The following DYNLT2B variants were observed in gnomAD, a reference collection of about 807,000 sequenced individuals.
DYNLT2B encodes dynein light chain Tctex-type 2B.
Under a neutral mutation model 19.5 loss-of-function variants are expected in DYNLT2B, and 14 were observed. The observed-to-expected ratio is 0.72, with a 90% CI of 0.47 to 1.12. DYNLT2B has a LOEUF of 1.12. Among genes scored for constraint, DYNLT2B ranks in the 50% most tolerant of loss-of-function variants. DYNLT2B has a pLI of 0.00. For synonymous variants in DYNLT2B, 70 were observed against 59.7 expected (o/e 1.17, Z -0.79); for missense variants, 133 against 174.7 (o/e 0.76, Z 1.35).
chr3:196,299,386 TA>T (rs1348456363), intron 3 of DYNLT2B, among the ~76,000 whole-genome samples: 1 of 151,498 alleles, frequency 6.6e-6, no homozygotes, highest in Non-Finnish European at 1.5e-5. Context: ...TGCTTGGCCC[TA>T]ATTTTTTGTA....
At chr3:196,312,845 G>A (rs1726677990) in intron 2 of DYNLT2B, among the ~76,000 whole-genome samples, 1 of 152,098 alleles carries the variant, frequency 6.6e-6, no homozygotes, top group Admixed American at 6.6e-5. Context: ...AGTCCTTTCT[G>A]AAAACAACTT....
chr3:196,296,108 C>T, intron 3 of DYNLT2B, 39 bp from the exon 4 acceptor site: 1 of 1,566,602 alleles, frequency 6.4e-7, no homozygotes, highest in Non-Finnish European at 8.8e-7. Context: ...AACAATCTAA[C>T]AAGGACCTAA....
intron 3 of DYNLT2B, among the ~76,000 whole-genome samples, chr3:196,297,433 G>A (rs1171965538): frequency 2.0e-5 from 3 of 152,098 alleles, no homozygotes; most frequent in South Asian, 2.1e-4. Flanking sequence ...GCTGAGGCAG[G>A]AGAATCACTT....
chr3:196,292,474 A>G (rs1726115117), intron 4 of DYNLT2B: 1 of 152,220 alleles, frequency 6.6e-6, no homozygotes, highest in African/African-American at 2.4e-5. Context: ...CCGGTCCTTC[A>G]TGGAAGGATG....
At chr3:196,298,930 G>A (rs1726284567) in intron 3 of DYNLT2B, among the ~76,000 whole-genome samples, 1 of 151,966 alleles carries the variant, frequency 6.6e-6, no homozygotes, top group African/African-American at 2.4e-5. Context: ...ATTTTACTTT[G>A]AGACAGAGTC....
At chr3:196,303,582 C>T (rs1391170441) in intron 3 of DYNLT2B, among the ~76,000 whole-genome samples, 1 of 152,128 alleles carries the variant, frequency 6.6e-6, no homozygotes, top group Non-Finnish European at 1.5e-5. Context: ...CCTGTAACCT[C>T]AGACTAATCA....
Position 196,315,756 on chromosome 3 carries a change from CA to C in DYNLT2B, c.247+341del, listed in dbSNP as rs538630049. Among the ~76,000 whole-genome samples, 649 of 152,160 alleles carry C rather than the reference CA, an allele frequency of 4.3e-3. 2 individuals carry two copies. Among genetic ancestry groups the C allele is most frequent in the Non-Finnish European group, 7.0e-3 (473 of 67,992 alleles). On this transcript the variant is annotated intron_variant, in intron 2 of 4. Coordinates refer to ENST00000325318, the MANE Select transcript of DYNLT2B (RefSeq NM_152773.5). ...GCGTGATGGTGCATGCCTGTAATCCCAACTACTCAGGAGGCTGAGGCAGAAG... is the reference window on the plus strand; with the variant it reads ...GCGTGATGGTGCATGCCTGTAATCCCACTACTCAGGAGGCTGAGGCAGAAG...
At chr3:196,307,767 A>G (rs1261645880) in intron 2 of DYNLT2B, among the ~76,000 whole-genome samples, 4 of 152,022 alleles carry the variant, frequency 2.6e-5, no homozygotes, top group African/African-American at 9.7e-5. Context: ...AACTCACAGT[A>G]ATAAAGAACT....
Position 196,318,210 on chromosome 3 carries a change from C to T in DYNLT2B, c.-58G>A. 1 of 1,046,596 alleles carries T rather than the reference C, an allele frequency of 9.6e-7. No individual in the cohort carries two copies. The highest frequency in any genetic ancestry group is 1.7e-5 in the African/African-American group (1 of 60,094). 64.8% of individuals were successfully genotyped at this position (1,046,596 alleles called of 1,614,324 possible). On this transcript the variant is annotated 5_prime_UTR_variant, in exon 1 of 5. Transcript: ENST00000325318. ...ATGAAGGCCTAGCGGGTTGCGGTCG[C>T]GGCCGGCAGCAGGGAAAGCGTCTCC...
Position 196,291,300 on chromosome 3 carries a change from TC to T in DYNLT2B, c.*26del. ...AAGTTCAGATTTCTTCATGGTCATG[TC>T]TTTTACCAGCTTTTCAAAGATTCAT... On this transcript the variant is annotated 3_prime_UTR_variant, in exon 5 of 5. Transcript: ENST00000325318. The T allele has an allele frequency of 6.3e-7, 1 of 1,599,214 alleles. No individual in the cohort carries two copies. The highest frequency in any genetic ancestry group is 1.8e-5 in the Admixed American group (1 of 56,404).
chr3:196,314,332 G>A (rs1184332850), intron 2 of DYNLT2B, among the ~76,000 whole-genome samples: 1 of 151,334 alleles, frequency 6.6e-6, no homozygotes, highest in African/African-American at 2.4e-5. Flanking sequence ...GTGTGGTGGC[G>A]CATGCTTGAA....
intron 3 of DYNLT2B, among the ~76,000 whole-genome samples, chr3:196,303,222 T>C (rs1326597490): frequency 2.0e-5 from 3 of 151,768 alleles, no homozygotes; most frequent in East Asian, 1.9e-4. Flanking sequence ...GCTCACTGGC[T>C]CTCCACACCC....
intron 3 of DYNLT2B, among the ~76,000 whole-genome samples, chr3:196,298,882 T>C (rs986198739): frequency 6.6e-6 from 1 of 151,850 alleles, no homozygotes; most frequent in African/African-American, 2.4e-5. Context: ...AGTAGGAGAG[T>C]TGGCAGTCTT....
rs74289369 is a variant in DYNLT2B, at chr3:196,307,654, T to G, written c.248-642A>C. On this transcript the variant is annotated intron_variant, in intron 2 of 4. Coordinates refer to ENST00000325318, the MANE Select transcript of DYNLT2B (RefSeq NM_152773.5). ...AACAGTGCTGTTAAATACTAGTCCT[T>G]CAATAAACCTTAGCTTCCTTCCTTT... is the stretch of plus-strand genomic sequence containing the variant. Among the ~76,000 whole-genome samples the G allele has an allele frequency of 0.015, 2,249 of 152,226 alleles. 180 individuals carry two copies. In the East Asian group the frequency reaches 0.26, roughly 18 times the overall value.
chr3:196,296,289 C>T (rs1453889304), intron 3 of DYNLT2B: 1 of 483,802 alleles, frequency 2.1e-6, no homozygotes, highest in Non-Finnish European at 3.7e-6. Context: ...CTAGAGGTGA[C>T]CAGCCAGGTA....
chr3:196,309,770 T>C (rs776311997), intron 2 of DYNLT2B, among the ~76,000 whole-genome samples: 2 of 151,384 alleles, frequency 1.3e-5, no homozygotes, highest in Non-Finnish European at 2.9e-5. Flanking sequence ...CTGAACAACA[T>C]GGAGAAATCC....
intron 2 of DYNLT2B, among the ~76,000 whole-genome samples, chr3:196,312,374 C>G (rs1439325735): frequency 6.6e-6 from 1 of 151,850 alleles, no homozygotes; most frequent in Non-Finnish European, 1.5e-5. Context: ...TTCTTGACAA[C>G]AAGTTACCAC....
intron 2 of DYNLT2B, among the ~76,000 whole-genome samples, chr3:196,311,019 AG>A (rs1560191799): frequency 6.6e-6 from 1 of 152,150 alleles, no homozygotes; most frequent in Non-Finnish European, 1.5e-5. Flanking sequence ...TACAGGTGTG[AG>A]CCACGGCACC....
intron 1 of DYNLT2B, among the ~76,000 whole-genome samples, 170 bp downstream of exon 1, chr3:196,317,870 G>A (rs576297904): frequency 1.3e-5 from 2 of 151,836 alleles, no homozygotes; most frequent in South Asian, 4.2e-4. Context: ...AGCGGGAGGG[G>A]CGCCCGGACG....
Sources: allele counts gnomAD v4.1 joint callset (sites outside exome capture counted in the v4.1 genomes callset), GRCh38; gene constraint gnomAD v4.1.1; transcripts MANE v1.5; gene names NCBI Gene and HGNC (gene_info 2026-07-23, HGNC 2026-07-21).